The following KIAA1217 variants were observed in gnomAD, a reference collection of about 807,000 sequenced individuals.
KIAA1217 encodes the protein KIAA1217.
KIAA1217 carries 88 observed loss-of-function variants against 163.9 expected under a neutral mutation model. The ratio of observed to expected loss-of-function variants is 0.54; its 90% confidence interval spans 0.45 to 0.64. The LOEUF (loss-of-function observed/expected upper bound fraction) is 0.64. KIAA1217 is among the 30% of genes least tolerant of loss of function. KIAA1217 has a pLI of 0.00. For missense variants in KIAA1217, 2,372 were observed against 2,475.0 expected (o/e 0.96, Z 0.88); for synonymous variants, 903 against 923.1 (o/e 0.98, Z 0.39).
At chr10:23,801,991 T>A (rs961851586) in intron 1 of KIAA1217, among the ~76,000 whole-genome samples, 2 of 152,168 alleles carry the variant, frequency 1.3e-5, no homozygotes, top group Non-Finnish European at 2.9e-5. Context: ...TCTAAATAGA[T>A]CAAGAGCCTC....
intron 2 of KIAA1217, among the ~76,000 whole-genome samples, chr10:24,222,351 T>C (rs1383919349): frequency 6.6e-6 from 1 of 152,348 alleles, no homozygotes; most frequent in East Asian, 1.9e-4. Context: ...GAGTTTTTAA[T>C]GCATGAATCT....
intron 2 of KIAA1217, among the ~76,000 whole-genome samples, chr10:24,293,890 C>T (rs565148171): frequency 2.6e-5 from 4 of 152,108 alleles, no homozygotes; most frequent in South Asian, 2.1e-4. Context: ...GGTCTCCGAC[C>T]GACGTCTTTG....
At position 24,474,034 on chromosome 10, in the gene KIAA1217, G is replaced by A. The variant is rs759180143; in HGVS notation, c.1653G>A (p.Ala551=). 36 of 1,609,112 alleles carry A rather than the reference G, an allele frequency of 2.2e-5. No individual in the cohort carries two copies. The African/African-American group carries it at 2.4e-4, about 11-fold the overall frequency. The change falls in exon 6 of 21, where the codon GCG becomes GCA. Residue 551 remains alanine (A), a synonymous_variant. Transcript: ENST00000376454. Reference sequence around the variant, plus strand: ...AGCAAGTTTTTGCCTACAGCACGGCGACAATACCCAAAGACAGAGAGACCA... The same window carrying A: ...AGCAAGTTTTTGCCTACAGCACGGCAACAATACCCAAAGACAGAGAGACCA... ...MEKQVFAYST[A]TIPKDRETRE... is the part of the protein sequence containing the mutation.
At chr10:23,921,724 T>C (rs1291605088) in intron 1 of KIAA1217, among the ~76,000 whole-genome samples, 1 of 152,140 alleles carries the variant, frequency 6.6e-6, no homozygotes, top group Non-Finnish European at 1.5e-5. Context: ...GGTTGCAGGT[T>C]AGTGCCCATT....
intron 2 of KIAA1217, among the ~76,000 whole-genome samples, chr10:24,079,333 T>C (rs1235471342): frequency 1.3e-5 from 2 of 152,194 alleles, no homozygotes; most frequent in Non-Finnish European, 2.9e-5. Context: ...TATGCCCCCA[T>C]GGAGGGCCAT....
At position 23,790,242 on chromosome 10, in the gene KIAA1217, C is replaced by T. The variant is rs867315940; in HGVS notation, c.-321+95008C>T. 7.7e-5 allele frequency among the ~76,000 whole-genome samples: 8 copies of T among 104,218 alleles called. 3 individuals carry two copies. The highest frequency in any genetic ancestry group is 2.6e-4 in the African/African-American group (5 of 19,562). 68.4% of individuals were successfully genotyped at this position (104,218 alleles called of 152,430 possible). On this transcript the variant is annotated intron_variant, in intron 1 of 18. Transcript: ENST00000376462. The stretch of plus-strand genomic sequence containing the variant: ...ATATGCATATGCACATATGCATATG[C>T]ACATATGCATATGCACATATGCATA...
intron 1 of KIAA1217, among the ~76,000 whole-genome samples, chr10:23,786,539 A>C (rs79251170): frequency 1.3e-5 from 1 of 78,808 alleles, no homozygotes; most frequent in Admixed American, 1.3e-4. Context: ...AGAAGTAGCC[A>C]AAAAAAAAAA....
intron 2 of KIAA1217, among the ~76,000 whole-genome samples, chr10:24,316,019 C>T (rs1444708127): frequency 2.0e-5 from 3 of 151,890 alleles, no homozygotes; most frequent in Non-Finnish European, 2.9e-5. Flanking sequence ...ATGCTGTCTT[C>T]GAACACTTTA....
intron 2 of KIAA1217, chr10:24,042,247 T>A (rs1276483660): frequency 1.4e-4 from 7 of 51,632 alleles, no homozygotes; most frequent in Non-Finnish European, 4.4e-4. Context: ...AGTTTTGTTG[T>A]TTTTTTTTTT....
At chr10:24,531,194 C>T (rs1417104837) in intron 14 of KIAA1217, among the ~76,000 whole-genome samples, 2 of 152,004 alleles carry the variant, frequency 1.3e-5, no homozygotes, top group African/African-American at 2.4e-5. Context: ...GACAGTGAGA[C>T]CCTATCTACA....
intron 1 of KIAA1217, among the ~76,000 whole-genome samples, chr10:23,954,526 C>T (rs1364743801): frequency 2.6e-5 from 4 of 151,400 alleles, no homozygotes; most frequent in African/African-American, 7.3e-5. Context: ...GAGCATGCCA[C>T]TGCACTTCAG....
chr10:23,898,827 C>T (rs1841826656), intron 1 of KIAA1217, among the ~76,000 whole-genome samples: 1 of 152,000 alleles, frequency 6.6e-6, no homozygotes, highest in South Asian at 2.1e-4. Context: ...TGGAATCATA[C>T]AGTATTTGTC....
chr10:24,346,475 A>T (rs1339821862), intron 2 of KIAA1217, among the ~76,000 whole-genome samples: 2 of 152,026 alleles, frequency 1.3e-5, no homozygotes, highest in Non-Finnish European at 2.9e-5. Flanking sequence ...CCGTCTCAAA[A>T]AATAATAATA....
rs557669829 is a variant in KIAA1217 at position 24,441,499 on chromosome 10, C to T, written c.846+3020C>T. Among the ~76,000 whole-genome samples the T allele has an allele frequency of 4.6e-5, 7 of 152,264 alleles. No homozygotes were observed. The South Asian group carries it at 1.5e-3, about 32-fold the overall frequency. On this transcript the variant is annotated intron_variant, in intron 5 of 20. Coordinates refer to ENST00000376454, the MANE Select transcript of KIAA1217 (RefSeq NM_019590.5). ...GTTTTATGATTGGAAATGTGTTACT[C>T]AGGAAGCGTGCTAGACTAGGCCTCA...
chr10:24,492,876 T>C (rs1252010018), intron 6 of KIAA1217, among the ~76,000 whole-genome samples: 2 of 151,842 alleles, frequency 1.3e-5, no homozygotes, highest in East Asian at 3.9e-4. Context: ...GAGACAGTCT[T>C]GCACTGTCAC....
intron 1 of KIAA1217, among the ~76,000 whole-genome samples, chr10:23,992,884 C>T (rs1846280002): frequency 6.6e-6 from 1 of 151,786 alleles, no homozygotes; most frequent in Admixed American, 6.6e-5. Flanking sequence ...CACCCTTAAC[C>T]AGCCAGATAA....
chr10:24,127,418 C>T (rs551862352), intron 2 of KIAA1217, among the ~76,000 whole-genome samples: 12 of 152,056 alleles, frequency 7.9e-5, no homozygotes, highest in African/African-American at 1.2e-4. Context: ...TTTGCTTTTC[C>T]TTATTGAGAG....
intron 2 of KIAA1217, among the ~76,000 whole-genome samples, chr10:24,228,644 G>T (rs1438666172): frequency 3.9e-5 from 6 of 152,006 alleles, no homozygotes; most frequent in Non-Finnish European, 8.8e-5. Context: ...AAATATATTG[G>T]CCTGGAAGTG....
intron 2 of KIAA1217, among the ~76,000 whole-genome samples, chr10:24,119,611 A>T (rs1454374528): frequency 2.0e-5 from 3 of 152,174 alleles, no homozygotes; most frequent in Non-Finnish European, 4.4e-5. Flanking sequence ...ATCTAGCTGT[A>T]TGTGGTTAAA....
Sources: gnomAD v4.1 joint callset for allele counts (sites outside exome capture counted in the v4.1 genomes callset) on GRCh38, gnomAD v4.1.1 for gene constraint, MANE v1.5 for transcripts, NCBI Gene and HGNC (gene_info 2026-07-23, HGNC 2026-07-21) for gene names.